FRAS1: variants seen among roughly 807,000 people sequenced by gnomAD.
FRAS1 encodes extracellular matrix organizing protein FRAS1.
In FRAS1, 290 loss-of-function variants were observed where a neutral mutation model predicts 435.2. The ratio of observed to expected loss-of-function variants is 0.67; its 90% CI spans 0.61 to 0.73. The LOEUF (loss-of-function observed/expected upper bound fraction) is 0.73, where lower values mean the gene tolerates loss of function less well. FRAS1 is among the 30% of genes least tolerant of loss of function. The pLI is 0.00. For missense variants in FRAS1, 4,860 were observed against 5,001.5 expected (o/e 0.97, Z 0.85); for synonymous variants, 1,800 against 1,851.0 (o/e 0.97, Z 0.71).
At position 78,466,248 on chromosome 4, in the gene FRAS1, A is replaced by G. The variant is rs753709910; in HGVS notation, c.7070A>G (p.His2357Arg). The change falls in exon 50 of 74, where the codon CAT (histidine) becomes CGT (arginine). Residue 2357 changes from histidine to arginine, a missense_variant. Coordinates refer to ENST00000512123, the MANE Select transcript of FRAS1 (RefSeq NM_025074.7). ...TTCACCATCGTGCAGCCTCCACGCC[A>G]TGGCACCATCGAGCGAACCAGCAAT... ...VTFTIVQPPRHGTIERTSNGQ... is the reference protein window; with the variant it reads ...VTFTIVQPPRRGTIERTSNGQ... The G allele has an allele frequency of 1.1e-5, 17 of 1,613,842 alleles. No homozygotes were observed. Among genetic ancestry groups the G allele is most frequent in the Non-Finnish European group, 1.7e-6 (2 of 1,179,884 alleles).
At position 78,437,831 on chromosome 4, in the gene FRAS1, T is replaced by A. The variant is rs540475003; in HGVS notation, c.5218-739T>A. Among the ~76,000 whole-genome samples the A allele has an allele frequency of 2.0e-5, 3 of 152,330 alleles. No individual in the cohort carries two copies. The South Asian group carries it at 6.2e-4, about 32-fold the overall frequency. On this transcript the variant is annotated intron_variant, in intron 38 of 73. Transcript: ENST00000512123. ...GAAGATGTTGCCTGCCTCCCAGATA[T>A]TTCCAAAAATATTCTTGAAGAAACA...
intron 47 of FRAS1, among the ~76,000 whole-genome samples, chr4:78,454,032 A>T (rs959489385): frequency 1.3e-5 from 2 of 152,158 alleles, no homozygotes; most frequent in Non-Finnish European, 2.9e-5. Flanking sequence ...GCTGTGTCAG[A>T]TGGTGATGAG....
At chr4:78,101,525 AT>A (rs554010077) in intron 2 of FRAS1, among the ~76,000 whole-genome samples, 9 of 151,676 alleles carry the variant, frequency 5.9e-5, no homozygotes, top group Non-Finnish European at 1.3e-4. Context: ...GTGAGAGTGT[AT>A]TTTTTTTAAC....
At chr4:78,332,628 A>C (rs1191882650) in intron 18 of FRAS1, among the ~76,000 whole-genome samples, 1 of 152,222 alleles carries the variant, frequency 6.6e-6, no homozygotes, top group Non-Finnish European at 1.5e-5. Context: ...TTTTTGTTTT[A>C]TAGATGAGGA....
chr4:78,437,205 G>A (rs1426091280), intron 38 of FRAS1, among the ~76,000 whole-genome samples: 2 of 152,116 alleles, frequency 1.3e-5, no homozygotes, highest in African/African-American at 2.4e-5. Context: ...CAGTGTTTTG[G>A]TCAAATTTGT....
intron 6 of FRAS1, among the ~76,000 whole-genome samples, chr4:78,262,862 G>T (rs1726176660): frequency 6.6e-6 from 1 of 151,716 alleles, no homozygotes; most frequent in South Asian, 2.1e-4. Context: ...TTTCCATAAA[G>T]AACCAGATAA....
At chr4:78,182,789 A>G (rs1006299405) in intron 2 of FRAS1, among the ~76,000 whole-genome samples, 2 of 151,322 alleles carry the variant, frequency 1.3e-5, no homozygotes, top group Non-Finnish European at 2.9e-5. Context: ...CTGAGGCACG[A>G]GAATTGCTGG....
intron 55 of FRAS1, among the ~76,000 whole-genome samples, chr4:78,478,733 G>C (rs184512995): frequency 6.6e-6 from 1 of 152,254 alleles, no homozygotes; most frequent in African/African-American, 2.4e-5. Context: ...TTTCTTTCTT[G>C]AATCTGCTGA....
intron 2 of FRAS1, among the ~76,000 whole-genome samples, chr4:78,099,329 C>A (rs1178343931): frequency 6.6e-6 from 1 of 152,142 alleles, no homozygotes; most frequent in African/African-American, 2.4e-5. Context: ...GTGGCGCTTC[C>A]AGACAGAAAT....
chr4:78,308,010 T>C, intron 14 of FRAS1, 56 bp from the exon 15 acceptor site: 1 of 1,512,902 alleles, frequency 6.6e-7, no homozygotes. Flanking sequence ...AAAAGAAAAA[T>C]GATGACCAGT....
At chr4:78,507,983 A>T (rs1317784548) in intron 62 of FRAS1, among the ~76,000 whole-genome samples, 2 of 152,242 alleles carry the variant, frequency 1.3e-5, no homozygotes, top group Non-Finnish European at 2.9e-5. Flanking sequence ...TCTTAGTCTG[A>T]TAAAGATAGA....
intron 2 of FRAS1, among the ~76,000 whole-genome samples, chr4:78,153,441 C>A (rs1720757802): frequency 6.6e-6 from 1 of 152,208 alleles, no homozygotes; most frequent in African/African-American, 2.4e-5. Flanking sequence ...ATTATACCTC[C>A]TTCTGTCTAA....
intron 47 of FRAS1, among the ~76,000 whole-genome samples, chr4:78,457,645 G>A (rs953527556): frequency 1.3e-5 from 2 of 152,170 alleles, no homozygotes; most frequent in East Asian, 1.9e-4. Context: ...ACGTACCCAC[G>A]AAAGTGAGTG....
intron 2 of FRAS1, among the ~76,000 whole-genome samples, chr4:78,208,394 C>G (rs1168827315): frequency 1.3e-5 from 2 of 152,128 alleles, no homozygotes; most frequent in African/African-American, 2.4e-5. Context: ...TGCTTTAACA[C>G]CCCCGCAAAA....
intron 20 of FRAS1, among the ~76,000 whole-genome samples, chr4:78,357,423 C>G (rs1330262985): frequency 6.6e-6 from 1 of 152,156 alleles, no homozygotes; most frequent in Admixed American, 6.5e-5. Flanking sequence ...CTATTGGAAT[C>G]TTGAACATTC....
chr4:78,360,861 A>G (rs1331431589), intron 20 of FRAS1, among the ~76,000 whole-genome samples: 3 of 152,234 alleles, frequency 2.0e-5, no homozygotes, highest in Admixed American at 6.5e-5. Context: ...AAAATACTAT[A>G]GGGGTCTGCT....
At chr4:78,388,073 C>T (rs1470484765) in intron 29 of FRAS1, among the ~76,000 whole-genome samples, 1 of 152,170 alleles carries the variant, frequency 6.6e-6, no homozygotes, top group East Asian at 1.9e-4. Context: ...CGCCTCTAAT[C>T]CCAGCACTTT....
chr4:78,263,687 A>C (rs1726220815), intron 6 of FRAS1, among the ~76,000 whole-genome samples: 1 of 152,242 alleles, frequency 6.6e-6, no homozygotes, highest in African/African-American at 2.4e-5. Flanking sequence ...AGAAACACTA[A>C]ATGATTTCAG....
intron 2 of FRAS1, among the ~76,000 whole-genome samples, chr4:78,224,225 AC>A (rs1560589385): frequency 6.6e-6 from 1 of 152,206 alleles, no homozygotes; most frequent in East Asian, 1.9e-4. Context: ...TCTTCCTGAA[AC>A]CAGAATCACT....
Sources: gnomAD v4.1 joint callset for allele counts (sites outside exome capture counted in the v4.1 genomes callset) on GRCh38, gnomAD v4.1.1 for gene constraint, MANE v1.5 for transcripts, NCBI Gene and HGNC (gene_info 2026-07-23, HGNC 2026-07-21) for gene names.